The following SGCE variants were observed in gnomAD, a reference collection of about 807,000 sequenced individuals.
SGCE encodes sarcoglycan epsilon.
In SGCE, 26 loss-of-function variants were observed where a neutral mutation model predicts 57.8. That is an observed-to-expected ratio of 0.45 (90% confidence interval 0.33 to 0.62). The LOEUF (loss-of-function observed/expected upper bound fraction) is 0.62, where lower values mean the gene tolerates loss of function less well. Ranked by LOEUF, SGCE falls within the 20% of genes least tolerant of loss-of-function variation. The pLI, the probability that SGCE is intolerant of heterozygous loss-of-function variation, is 0.02. For synonymous variants in SGCE, 183 were observed against 189.5 expected (o/e 0.97, Z 0.28); for missense variants, 468 against 548.6 (o/e 0.85, Z 1.47).
At position 94,600,724 on chromosome 7, in the gene SGCE, G is replaced by A; in HGVS notation, c.959C>T (p.Thr320Ile). 1 of 1,613,828 alleles carries A rather than the reference G, an allele frequency of 6.2e-7. No homozygotes were observed. The highest frequency in any genetic ancestry group is 8.5e-7 in the Non-Finnish European group (1 of 1,179,854). ...SRDYYTDFLI[T>I]LAVPSAVALV... ...TGCCACTGCCGAGGGCACAGCCAGT[G>A]TAATTAGGAAATCCGTGTAATAGTC... Residue 320 changes from threonine to isoleucine, a missense_variant, in exon 7 of 11, where the codon ACA (threonine) becomes ATA (isoleucine). Transcript: ENST00000648936.
At chr7:94,588,019 C>T (rs1395894133) in intron 10 of SGCE, 3 of 1,386,650 alleles carry the variant, frequency 2.2e-6, no homozygotes, top group African/African-American at 1.5e-5. Flanking sequence ...ATTAATGGTT[C>T]CCTGGCAATT....
chr7:94,595,879 A>T (rs903072837), intron 9 of SGCE, among the ~76,000 whole-genome samples: 2 of 152,144 alleles, frequency 1.3e-5, no homozygotes, highest in African/African-American at 4.8e-5. Flanking sequence ...GAAAGATAAT[A>T]TACACTCAAC....
Position 94,631,283 on chromosome 7 carries a change from G to C in SGCE, c.110-1442C>G, listed in dbSNP as rs541814316. 7.3e-5 allele frequency among the ~76,000 whole-genome samples: 11 copies of C among 151,456 alleles called. No individual in the cohort carries two copies. In the South Asian group the frequency reaches 1.3e-3, roughly 17 times the overall value. ...GAATGAATCACAGAAAAATAGTAAA[G>C]ATGAGAATTTTATACTTTTTTTTTT... On this transcript the variant is annotated intron_variant, in intron 1 of 10. Transcript: ENST00000648936.
Position 94,599,728 on chromosome 7 carries a change from A to G in SGCE, c.1038-5T>C. ...GTTTGCATGTTTCTCTTTTCCCTAG[A>G]AACAAAACAAAATTTATGAATTAAA... is the stretch of plus-strand genomic sequence containing the variant. On this transcript the variant is annotated splice_region_variant and splice_polypyrimidine_tract_variant and intron_variant, in intron 7 of 10. Coordinates refer to ENST00000648936, the MANE Select transcript of SGCE (RefSeq NM_003919.3). The G allele has an allele frequency of 6.3e-7, 1 of 1,580,746 alleles. No individual in the cohort carries two copies.
intron 6 of SGCE, among the ~76,000 whole-genome samples, chr7:94,602,033 C>G (rs1799348919): frequency 6.6e-6 from 1 of 152,038 alleles, no homozygotes; most frequent in Admixed American, 6.6e-5. Context: ...CAAAAATCTT[C>G]AAGGAGTATA....
At chr7:94,597,053 G>A (rs768379037) in intron 9 of SGCE, among the ~76,000 whole-genome samples, 12 of 151,708 alleles carry the variant, frequency 7.9e-5, no homozygotes, top group Admixed American at 4.6e-4. Flanking sequence ...ATCTAATCCC[G>A]GTAAACTGGG....
At chr7:94,655,930 G>T (rs892009456) in intron 1 of SGCE, 60 bp downstream of exon 1, 1 of 1,104,988 alleles carries the variant, frequency 9.0e-7, no homozygotes, top group Non-Finnish European at 1.4e-6. Context: ...CCCGAGCGGG[G>T]GAGGGGGAGG....
intron 1 of SGCE, among the ~76,000 whole-genome samples, chr7:94,647,192 A>C (rs1807231335): frequency 6.6e-6 from 1 of 152,284 alleles, no homozygotes; most frequent in African/African-American, 2.4e-5. Context: ...ACTAGGACCC[A>C]TACTCTTTCC....
chr7:94,653,622 G>A (rs1808184441), intron 1 of SGCE, among the ~76,000 whole-genome samples: 1 of 151,924 alleles, frequency 6.6e-6, no homozygotes, highest in Non-Finnish European at 1.5e-5. Flanking sequence ...CTCTATTAAT[G>A]TTATCTTTCT....
intron 5 of SGCE, chr7:94,617,672 G>T (rs1237622107): frequency 6.6e-6 from 1 of 152,138 alleles, no homozygotes; most frequent in Non-Finnish European, 1.5e-5. Context: ...TTTCCTCAAA[G>T]GACTTCTATG....
intron 1 of SGCE, among the ~76,000 whole-genome samples, chr7:94,652,476 T>C (rs533831448): frequency 7.6e-4 from 115 of 152,312 alleles, no homozygotes; most frequent in Middle Eastern, 3.4e-3. Context: ...TCAGGATTTC[T>C]TCACTACTTC....
At chr7:94,625,555 T>G (rs1803574167) in intron 3 of SGCE, 2 of 152,116 alleles carry the variant, frequency 1.3e-5, no homozygotes, top group Non-Finnish European at 2.9e-5. Context: ...GATCCATTCA[T>G]TTAAAATACA....
chr7:94,637,471 G>C (rs940819265), intron 1 of SGCE, among the ~76,000 whole-genome samples: 3 of 152,176 alleles, frequency 2.0e-5, no homozygotes, highest in African/African-American at 4.8e-5. Flanking sequence ...TCAAGATGGA[G>C]GGATCATTTC....
At chr7:94,634,084 T>C (rs537466069) in intron 1 of SGCE, among the ~76,000 whole-genome samples, 7 of 152,290 alleles carry the variant, frequency 4.6e-5, no homozygotes, top group Non-Finnish European at 7.4e-5. Context: ...TTGTCAATAT[T>C]TATGTCCGGG....
chr7:94,621,661 G>A (rs1802803399), intron 4 of SGCE: 1 of 152,190 alleles, frequency 6.6e-6, no homozygotes, highest in Admixed American at 6.5e-5. Context: ...AGGTGAGATG[G>A]TCCAAGGCCA....
chr7:94,598,007 T>TAAA, intron 9 of SGCE: 1 of 153,494 alleles, frequency 6.5e-6, no homozygotes, highest in Non-Finnish European at 1.4e-5. Flanking sequence ...AACTCCATCT[T>TAAA]AAAAAAAAAA....
intron 10 of SGCE, chr7:94,586,956 C>CTA (rs1796989400): frequency 1.0e-6 from 1 of 984,162 alleles, no homozygotes; most frequent in African/African-American, 1.8e-5. Flanking sequence ...AGAGGAGATA[C>CTA]TGTACTTTAG....
rs1292641677 is a variant in SGCE at position 94,585,517 on chromosome 7, T to C, written c.1298-2A>G. The C allele has an allele frequency of 1.2e-6, 2 of 1,603,224 alleles. No homozygotes were observed. Among genetic ancestry groups the C allele is most frequent in the Non-Finnish European group, 1.7e-6 (2 of 1,170,274 alleles). On this transcript the variant is annotated splice_acceptor_variant, in intron 10 of 10. Transcript: ENST00000648936. LOFTEE classifies it high-confidence loss of function. ...TCTTTCTTCAGGGATACCATTTACC[T>C]GCAATGTGTAAGAATGAATATGGGC...
chr7:94,647,406 C>A (rs1366335026), intron 1 of SGCE, among the ~76,000 whole-genome samples: 5 of 152,136 alleles, frequency 3.3e-5, no homozygotes, highest in African/African-American at 1.2e-4. Context: ...ACCACGCTAG[C>A]CCACAAGGTC....
Sources: gnomAD v4.1 joint callset for allele counts (sites outside exome capture counted in the v4.1 genomes callset) on GRCh38, gnomAD v4.1.1 for gene constraint, MANE v1.5 for transcripts, NCBI Gene and HGNC (gene_info 2026-07-23, HGNC 2026-07-21) for gene names.